LRP1B: variants seen among roughly 807,000 people sequenced by gnomAD.
LRP1B encodes low-density lipoprotein receptor-related protein 1B.
In LRP1B, 217 loss-of-function variants were observed where a neutral mutation model predicts 556.6. The observed-to-expected ratio is 0.39, with a 90% CI of 0.35 to 0.44. The LOEUF (loss-of-function observed/expected upper bound fraction) is 0.44. LRP1B is among the 20% of genes least tolerant of loss of function. The pLI, the probability that LRP1B is intolerant of heterozygous loss-of-function variation, is 1.00. For synonymous variants in LRP1B, 2,047 were observed against 1,865.8 expected, an observed-to-expected ratio of 1.10 and a Z score of -2.50; for missense variants, 5,053 against 5,620.8, an observed-to-expected ratio of 0.90 and a Z score of 3.23.
chr2:141,307,229 T>C (rs910939817), intron 3 of LRP1B, among the ~76,000 whole-genome samples: 2 of 152,186 alleles, frequency 1.3e-5, no homozygotes, highest in African/African-American at 4.8e-5. Flanking sequence ...AATATTATTG[T>C]ACTGGAGTTT....
intron 35 of LRP1B, among the ~76,000 whole-genome samples, chr2:140,757,113 T>TACC (rs970096472): frequency 1.3e-5 from 2 of 152,174 alleles, no homozygotes; most frequent in African/African-American, 4.8e-5. Flanking sequence ...CACAATGAGA[T>TACC]ACCACTTTAT....
chr2:140,733,990 T>G (rs288118), intron 35 of LRP1B, among the ~76,000 whole-genome samples: 147,825 of 152,266 alleles, frequency 0.97, 71,859 homozygotes, highest in Middle Eastern at 1. Flanking sequence ...CTGGGAATAC[T>G]CCTGCTTAAC....
At chr2:141,613,875 C>T (rs1419223972) in intron 2 of LRP1B, among the ~76,000 whole-genome samples, 1 of 151,764 alleles carries the variant, frequency 6.6e-6, no homozygotes, top group African/African-American at 2.4e-5. Flanking sequence ...GAGTTCAAGA[C>T]CAGCCTGGCC....
chr2:140,328,472 GAAAGAAAAAAAA>G (rs1680612703), intron 79 of LRP1B, among the ~76,000 whole-genome samples: 1 of 146,706 alleles, frequency 6.8e-6, no homozygotes, highest in Non-Finnish European at 1.5e-5. Flanking sequence ...GGAAGAAAAT[GAAAGAAAAAAAA>G]AAAGAAAATG....
At chr2:140,988,002 A>C (rs564202933) in intron 17 of LRP1B, among the ~76,000 whole-genome samples, 9 of 152,176 alleles carry the variant, frequency 5.9e-5, no homozygotes, top group Admixed American at 1.3e-4. Flanking sequence ...GAAGAATTGC[A>C]CTCATTTAGA....
chr2:140,974,553 G>A (rs1396680349), intron 18 of LRP1B, among the ~76,000 whole-genome samples: 5 of 152,052 alleles, frequency 3.3e-5, no homozygotes, highest in Non-Finnish European at 7.4e-5. Context: ...ACATGTATAT[G>A]TTTGTACTAG....
intron 17 of LRP1B, among the ~76,000 whole-genome samples, chr2:140,987,155 A>T (rs1696951583): frequency 6.6e-6 from 1 of 152,172 alleles, no homozygotes; most frequent in Non-Finnish European, 1.5e-5. Flanking sequence ...ATTGCTTACA[A>T]AGCAAAAGGC....
At chr2:141,234,540 T>A (rs1683584143) in intron 5 of LRP1B, among the ~76,000 whole-genome samples, 1 of 151,832 alleles carries the variant, frequency 6.6e-6, no homozygotes, top group Non-Finnish European at 1.5e-5. Flanking sequence ...CCATGCCCGA[T>A]TAATTTTTGT....
intron 18 of LRP1B, among the ~76,000 whole-genome samples, chr2:140,970,000 C>T (rs1044954141): frequency 6.6e-6 from 1 of 152,068 alleles, no homozygotes; most frequent in Admixed American, 6.5e-5. Flanking sequence ...AATTATGTGT[C>T]TTGGAGTTGC....
intron 3 of LRP1B, among the ~76,000 whole-genome samples, chr2:141,318,737 T>C (rs10184311): frequency 0.56 from 84,766 of 151,986 alleles, 24,960 homozygotes; most frequent in Middle Eastern, 0.68. Flanking sequence ...GCCGAAATAT[T>C]CTAAATTAAC....
chr2:140,773,716 C>T (rs921711410), intron 33 of LRP1B, among the ~76,000 whole-genome samples: 8 of 151,422 alleles, frequency 5.3e-5, no homozygotes, highest in African/African-American at 1.9e-4. Flanking sequence ...ATATACATTT[C>T]ATATATCCTT....
chr2:140,693,444 A>G (rs1424438869), intron 41 of LRP1B, among the ~76,000 whole-genome samples: 1 of 151,942 alleles, frequency 6.6e-6, no homozygotes, highest in Non-Finnish European at 1.5e-5. Context: ...CAGCCTTCGA[A>G]GGATCTAGAA....
chr2:141,158,779 A>G (rs1702129819), intron 7 of LRP1B, among the ~76,000 whole-genome samples: 1 of 152,160 alleles, frequency 6.6e-6, no homozygotes, highest in Middle Eastern at 3.2e-3. Context: ...AGAACATTAC[A>G]AGTAGCATTG....
At chr2:141,839,452 T>C (rs1317241077) in intron 1 of LRP1B, among the ~76,000 whole-genome samples, 1 of 152,188 alleles carries the variant, frequency 6.6e-6, no homozygotes, top group African/African-American at 2.4e-5. Context: ...CCATCAGATG[T>C]CATTCCAAAT....
chr2:140,584,332 T>C (rs1357362304), intron 43 of LRP1B, among the ~76,000 whole-genome samples: 1 of 152,006 alleles, frequency 6.6e-6, no homozygotes, highest in Non-Finnish European at 1.5e-5. Context: ...AGCTTATTTG[T>C]ATGCTTCTCC....
chr2:140,340,765 G>A (rs1005856855), intron 77 of LRP1B, among the ~76,000 whole-genome samples: 3 of 151,228 alleles, frequency 2.0e-5, no homozygotes, highest in African/African-American at 7.3e-5. Flanking sequence ...ACACGGTTTG[G>A]TATATCGAAA....
chr2:141,251,725 C>A (rs959264223), intron 4 of LRP1B, among the ~76,000 whole-genome samples: 13 of 151,824 alleles, frequency 8.6e-5, no homozygotes, highest in African/African-American at 3.1e-4. Context: ...GGTGGATATA[C>A]AAGTAAATAG....
In LRP1B at chr2:140,515,415, C is replaced by T. The variant is rs546129996; in HGVS notation, c.8150-643G>A. On this transcript the variant is annotated intron_variant, in intron 50 of 90. Coordinates refer to ENST00000389484, the MANE Select transcript of LRP1B (RefSeq NM_018557.3). The stretch of plus-strand genomic sequence containing the variant: ...ATTATATTTTTATAATAATAACACA[C>T]TCCATTTATTTCCAAAGCCAATTTT... 7.1e-4 allele frequency among the ~76,000 whole-genome samples: 108 copies of T among 152,026 alleles called. 1 individual carries two copies. The highest frequency in any genetic ancestry group is 3.0e-3 in the Admixed American group (45 of 15,250).
intron 43 of LRP1B, among the ~76,000 whole-genome samples, chr2:140,595,114 A>ATATC: frequency 1.2e-5 from 1 of 85,718 alleles, no homozygotes; most frequent in African/African-American, 5.2e-5. Context: ...ATATATATAT[A>ATATC]TATATATATA....
Sources: allele counts gnomAD v4.1 joint callset (sites outside exome capture counted in the v4.1 genomes callset), GRCh38; gene constraint gnomAD v4.1.1; transcripts MANE v1.5; gene names NCBI Gene and HGNC (gene_info 2026-07-23, HGNC 2026-07-21).